The following IL7R variants were observed in gnomAD, a reference collection of about 807,000 sequenced individuals.
IL7R encodes the protein interleukin-7 receptor subunit alpha.
IL7R carries 38 observed loss-of-function variants against 47.0 expected under a neutral mutation model. The observed-to-expected ratio is 0.81, with a 90% CI of 0.62 to 1.06. The LOEUF is 1.06. Ranked by LOEUF, IL7R falls within the 50% of genes least tolerant of loss-of-function variation. The probability of loss-of-function intolerance (pLI) is 0.00; values close to 1 mark genes in which losing one functional copy is unlikely to be tolerated. For missense variants in IL7R, 633 were observed against 534.8 expected (o/e 1.18, Z -1.81); for synonymous variants, 221 against 199.8 (o/e 1.11, Z -0.89).
At chr5:35,861,162 C>T (rs1759800813) in intron 2 of IL7R, among the ~76,000 whole-genome samples, 172 bp downstream of exon 2, 1 of 152,154 alleles carries the variant, frequency 6.6e-6, no homozygotes, top group Admixed American at 6.6e-5. Flanking sequence ...AACACTCATA[C>T]AAATCTCCTC....
At chr5:35,872,726 G>T (rs1229717511) in intron 4 of IL7R, among the ~76,000 whole-genome samples, 1 of 151,960 alleles carries the variant, frequency 6.6e-6, no homozygotes, top group Non-Finnish European at 1.5e-5. Context: ...AAAAGTGGAG[G>T]TTTATATATG....
In IL7R at chr5:35,877,897, A is replaced by G. The variant is rs1760256089; in HGVS notation, c.*1411A>G. 1 of 233,158 alleles carries G rather than the reference A, an allele frequency of 4.3e-6. No individual in the cohort carries two copies. The allele number at this position is 233,158 out of a possible 1,614,324, so 14.4% of individuals were successfully genotyped here. A position where few individuals can be genotyped will look rare whatever the true frequency, so the allele number is the denominator to read the frequency against. The stretch of plus-strand genomic sequence containing the variant: ...ACAGGCCTCCAAACCCTGGCTGTTC[A>G]CAGAACCACAAAGGGCAGATGCTGC... On this transcript the variant is annotated 3_prime_UTR_variant, in exon 8 of 8. Coordinates refer to ENST00000303115, the MANE Select transcript of IL7R (RefSeq NM_002185.5).
At chr5:35,874,646 T>C (rs1760161493) in intron 6 of IL7R, 104 bp downstream of exon 6, 3 of 886,036 alleles carry the variant, frequency 3.4e-6, no homozygotes, top group Non-Finnish European at 5.8e-6. Flanking sequence ...GATTAAGGCA[T>C]TTCACGAATT....
At chr5:35,863,241 T>A (rs1759862422) in intron 2 of IL7R, among the ~76,000 whole-genome samples, 1 of 152,144 alleles carries the variant, frequency 6.6e-6, no homozygotes, top group Admixed American at 6.6e-5. Flanking sequence ...GCCAGTTAAT[T>A]AACTTAACAT....
At position 35,876,258 on chromosome 5, in the gene IL7R, T is replaced by C. The variant is rs2149905875; in HGVS notation, c.1152T>C (p.Ser384=). Residue 384 remains serine, a synonymous_variant, in exon 8 of 8, where the codon TCT becomes TCC. Coordinates refer to ENST00000303115, the MANE Select transcript of IL7R (RefSeq NM_002185.5). ...CATGTGACGCCCCTATTCTCTCCTCTTCCAGGTCCCTAGACTGCAGGGAGA... is the reference window on the plus strand; with the variant it reads ...CATGTGACGCCCCTATTCTCTCCTCCTCCAGGTCCCTAGACTGCAGGGAGA... ...VSACDAPILS[S]SRSLDCRESG... 1 of 1,614,080 alleles carries C rather than the reference T, an allele frequency of 6.2e-7. No individual in the cohort carries two copies.
intron 2 of IL7R, among the ~76,000 whole-genome samples, chr5:35,864,019 A>T (rs1244332086): frequency 6.6e-6 from 1 of 152,110 alleles, no homozygotes; most frequent in African/African-American, 2.4e-5. Context: ...CCCTAGAAGG[A>T]TGCTTCATGT....
chr5:35,873,959 A>G (rs1037911004), intron 5 of IL7R, among the ~76,000 whole-genome samples: 7 of 152,128 alleles, frequency 4.6e-5, no homozygotes, highest in Non-Finnish European at 7.4e-5. Context: ...CTGGGACCCC[A>G]ATGGCTGCTG....
In IL7R at chr5:35,857,059, G is replaced by C. The variant is rs1234733163; in HGVS notation, c.82G>C (p.Gly28Arg). 1.3e-6 allele frequency: 2 copies of C among 1,580,842 alleles called. No homozygotes were observed. The highest frequency in any genetic ancestry group is 1.7e-5 in the Admixed American group (1 of 59,998). ...VSGESGYAQNGDLEDAELDDY... is the reference protein window; with the variant it reads ...VSGESGYAQNRDLEDAELDDY... ...TGGAGAAAGTGGCTATGCTCAAAATGGTGAGTCATTTCTAAGTTTTCTTAT... is the reference window on the plus strand; with the variant it reads ...TGGAGAAAGTGGCTATGCTCAAAATCGTGAGTCATTTCTAAGTTTTCTTAT... Residue 28 changes from glycine (G) to arginine (R), a missense_variant and splice_region_variant, in exon 1 of 8, where the codon GGA (glycine) becomes CGA (arginine). Gly to Arg is a moderately radical substitution (Grantham distance 125). Coordinates refer to ENST00000303115, the MANE Select transcript of IL7R (RefSeq NM_002185.5).
Position 35,876,962 on chromosome 5 carries a change from T to C in IL7R, c.*476T>C, listed in dbSNP as rs774999204. The C allele has an allele frequency of 4.0e-6, 1 of 248,602 alleles. No individual in the cohort carries two copies. The highest frequency in any genetic ancestry group is 7.9e-6 in the Non-Finnish European group (1 of 126,888). The allele number at this position is 248,602 out of a possible 1,614,324, so 15.4% of individuals were successfully genotyped here. ...AGGTGTGTGCAATTACTACGACTACTCTCTTTTTTATAGATCATTAAATTC... is the reference window on the plus strand; with the variant it reads ...AGGTGTGTGCAATTACTACGACTACCCTCTTTTTTATAGATCATTAAATTC... On this transcript the variant is annotated 3_prime_UTR_variant, in exon 8 of 8. Coordinates refer to ENST00000303115, the MANE Select transcript of IL7R (RefSeq NM_002185.5).
intron 3 of IL7R, among the ~76,000 whole-genome samples, chr5:35,868,559 A>G (rs535304855): frequency 6.6e-6 from 1 of 152,348 alleles, no homozygotes; most frequent in African/African-American, 2.4e-5. Flanking sequence ...TTAGGGGAAG[A>G]GAACTGGCTT....
At chr5:35,870,688 G>T (rs1760049481) in intron 3 of IL7R, among the ~76,000 whole-genome samples, 1 of 152,196 alleles carries the variant, frequency 6.6e-6, no homozygotes, top group African/African-American at 2.4e-5. Context: ...CTAACCTGCA[G>T]CTGGGGCTTC....
rs1360223795 is a variant in IL7R, at chr5:35,877,635, T to G, written c.*1149T>G. The G allele has an allele frequency of 1.7e-5, 4 of 233,116 alleles. No homozygotes were observed. Among genetic ancestry groups the G allele is most frequent in the African/African-American group, 8.8e-5 (4 of 45,306 alleles). 14.4% of individuals were successfully genotyped at this position (233,116 alleles called of 1,614,324 possible). On this transcript the variant is annotated 3_prime_UTR_variant, in exon 8 of 8. Transcript: ENST00000303115. ...CCAACCTAAATTCATCCCTAAATTG[T>G]CCCAAGTTCTCCAGCAATAGAGGCT...
At position 35,856,891 on chromosome 5, in the gene IL7R, C is replaced by G; in HGVS notation, c.-87C>G. The G allele has an allele frequency of 6.1e-6, 5 of 813,844 alleles. No homozygotes were observed. Among genetic ancestry groups the G allele is most frequent in the African/African-American group, 1.7e-5 (1 of 59,956 alleles). The allele number at this position is 813,844 out of a possible 1,614,324, so 50.4% of individuals were successfully genotyped here. On this transcript the variant is annotated 5_prime_UTR_variant, in exon 1 of 8. Transcript: ENST00000303115. ...AAGCCCTAGATCTAAGCTTCTCTGT[C>G]TTCCTCCCTCCCTCCCTTCCTCTTA...
At chr5:35,872,689 G>A in intron 4 of IL7R, among the ~76,000 whole-genome samples, 1 of 152,080 alleles carries the variant, frequency 6.6e-6, no homozygotes, top group East Asian at 1.9e-4. Context: ...TAGAAGAAAA[G>A]AAAGGATTGA....
In IL7R at chr5:35,874,449, G is replaced by A. The variant is rs201084372; in HGVS notation, c.707G>A (p.Gly236Glu). Residue 236 changes from glycine to glutamate, a missense_variant and splice_region_variant, in exon 6 of 8, where the codon GGG becomes GAG. By Grantham distance (98) the Gly-to-Glu change is moderately conservative. Coordinates refer to ENST00000303115, the MANE Select transcript of IL7R (RefSeq NM_002185.5). ...FRTPEINNSS[G>E]EMDPILLTIS... ...ACCACAATCTATTCTTGCTTTCCAGGGGAGATGGATCCTATCTTACTAACC... is the reference window on the plus strand; with the variant it reads ...ACCACAATCTATTCTTGCTTTCCAGAGGAGATGGATCCTATCTTACTAACC... The A allele has an allele frequency of 2.2e-4, 359 of 1,602,544 alleles. 4 individuals carry two copies. The highest frequency in any genetic ancestry group is 5.2e-5 in the Non-Finnish European group (61 of 1,169,574).
At chr5:35,865,202 ATGCAGTGTT>A (rs1347430090) in intron 2 of IL7R, among the ~76,000 whole-genome samples, 1 of 152,172 alleles carries the variant, frequency 6.6e-6, no homozygotes, top group African/African-American at 2.4e-5. Flanking sequence ...GAGTGAGAAC[ATGCAGTGTT>A]TGATTTTTTG....
chr5:35,859,644 A>G (rs1030915262), intron 1 of IL7R, among the ~76,000 whole-genome samples: 2 of 152,172 alleles, frequency 1.3e-5, no homozygotes, highest in African/African-American at 4.8e-5. Flanking sequence ...CCAACCTGTC[A>G]TTCAACTGGT....
At position 35,878,702 on chromosome 5, in the gene IL7R, GTTA is replaced by G. The variant is rs930402423; in HGVS notation, c.*2219_*2221del. The G allele has an allele frequency of 4.3e-6, 1 of 232,550 alleles. No individual in the cohort carries two copies. Among genetic ancestry groups the G allele is most frequent in the Non-Finnish European group, 8.5e-6 (1 of 117,738 alleles). 14.4% of individuals were successfully genotyped at this position (232,550 alleles called of 1,614,324 possible). The stretch of plus-strand genomic sequence containing the variant: ...ACAGAAGTTCTTTGAAGTATTTATT[GTTA>G]TTTTCTTTGACTTATGGGAAAACTG... On this transcript the variant is annotated 3_prime_UTR_variant, in exon 8 of 8. Transcript: ENST00000303115.
At position 35,877,521 on chromosome 5, in the gene IL7R, T is replaced by G. The variant is rs1380514126; in HGVS notation, c.*1035T>G. 1 of 233,088 alleles carries G rather than the reference T, an allele frequency of 4.3e-6. No individual in the cohort carries two copies. Among genetic ancestry groups the G allele is most frequent in the Admixed American group, 5.6e-5 (1 of 17,768 alleles). The allele number at this position is 233,088 out of a possible 1,614,324, so 14.4% of individuals were successfully genotyped here. A position where few individuals can be genotyped will look rare whatever the true frequency, so the allele number is the denominator to read the frequency against. ...ACCACCCAACTGCATCCGTCCATGA[T>G]CTCAGAGGAAACTGTCGCTGACCCT... On this transcript the variant is annotated 3_prime_UTR_variant, in exon 8 of 8. Transcript: ENST00000303115.
Sources: gnomAD v4.1 joint callset for allele counts (sites outside exome capture counted in the v4.1 genomes callset) on GRCh38, gnomAD v4.1.1 for gene constraint, MANE v1.5 for transcripts, NCBI Gene and HGNC (gene_info 2026-07-23, HGNC 2026-07-21) for gene names.